The following DEFB131A variants were observed in gnomAD, a reference collection of about 807,000 sequenced individuals.
DEFB131A encodes the protein beta-defensin 131A.
Under a neutral mutation model 2.4 loss-of-function variants are expected in DEFB131A, and 5 were observed. The ratio of observed to expected loss-of-function variants is 2.12; its 90% CI spans 1.11 to 4.47. The LOEUF (loss-of-function observed/expected upper bound fraction) is 4.47, where lower values mean the gene tolerates loss of function less well. Among genes scored for constraint, DEFB131A ranks in the 30% most tolerant of loss-of-function variants. The pLI, the probability that DEFB131A is intolerant of heterozygous loss-of-function variation, is 0.00. For missense variants in DEFB131A, 120 were observed against 79.9 expected (o/e 1.50, Z -1.91); for synonymous variants, 34 against 25.7 (o/e 1.32, Z -0.97).
chr4:9,450,061 G>A (rs1351922052), intron 1 of DEFB131A, among the ~76,000 whole-genome samples: 7 of 152,058 alleles, frequency 4.6e-5, no homozygotes, highest in Admixed American at 3.9e-4. Context: ...CCTGCATTAT[G>A]AATCTCTACA....
intron 1 of DEFB131A, among the ~76,000 whole-genome samples, chr4:9,449,712 G>A (rs1025653574): frequency 5.9e-5 from 9 of 152,068 alleles, no homozygotes; most frequent in African/African-American, 1.9e-4. Flanking sequence ...ATTTATGGGA[G>A]ATTATGGGTT....
At position 9,450,207 on chromosome 4, in the gene DEFB131A, G is replaced by T. The variant is rs778606543; in HGVS notation, c.59-153G>T. Among the ~76,000 whole-genome samples, 186 of 152,222 alleles carry T rather than the reference G, an allele frequency of 1.2e-3. 4 individuals carry two copies. Among genetic ancestry groups the T allele is most frequent in the Admixed American group, 9.8e-4 (15 of 15,284 alleles). On this transcript the variant is annotated intron_variant, in intron 1 of 1. Coordinates refer to ENST00000334879, the MANE Select transcript of DEFB131A (RefSeq NM_001040448.3). ...AGAAATCATCGCTTGTCTTTATTCAGCATCTCCACGTTTTCTCTTGCATTT... is the reference window on the plus strand; with the variant it reads ...AGAAATCATCGCTTGTCTTTATTCATCATCTCCACGTTTTCTCTTGCATTT...
chr4:9,448,447 C>T (rs2865004), intron 1 of DEFB131A, among the ~76,000 whole-genome samples: 98,213 of 151,636 alleles, frequency 0.65, 33,495 homozygotes, highest in Non-Finnish European at 0.77. Flanking sequence ...CCTCCTGGGT[C>T]CAAGCAATCT....
chr4:9,445,147 T>A (rs1039905952), intron 1 of DEFB131A, among the ~76,000 whole-genome samples: 3 of 151,926 alleles, frequency 2.0e-5, no homozygotes, highest in Non-Finnish European at 2.9e-5. Context: ...GGTGAGAGGA[T>A]ACACACAGAA....
Position 9,450,510 on chromosome 4 carries a change from G to C in DEFB131A, c.209G>C (p.Trp70Ser). The part of the protein sequence containing the change: ...KIIEIDGQKK[W>S] ...ATTGAAATTGACGGACAAAAGAAGT[G>C]GTGAAAATTCTAACTCCATCTTCTT... The change falls in exon 2 of 2, where the codon TGG (tryptophan) becomes TCG (serine). Residue 70 changes from tryptophan (W) to serine (S), a missense_variant. Physicochemically the swap from Trp to Ser is radical, Grantham distance 177. Transcript: ENST00000334879. 6.2e-7 allele frequency: 1 copy of C among 1,607,974 alleles called. No homozygotes were observed. The highest frequency in any genetic ancestry group is 1.1e-5 in the South Asian group (1 of 90,034).
chr4:9,447,242 C>T (rs534943866), intron 1 of DEFB131A, among the ~76,000 whole-genome samples: 1 of 152,246 alleles, frequency 6.6e-6, no homozygotes, highest in African/African-American at 2.4e-5. Context: ...GCTCTAATGA[C>T]ATTTTTAATA....
At chr4:9,449,467 C>T (rs1378850293) in intron 1 of DEFB131A, among the ~76,000 whole-genome samples, 5 of 149,412 alleles carry the variant, frequency 3.3e-5, no homozygotes, top group African/African-American at 7.4e-5. Context: ...TTCAATACTT[C>T]GTACTGAGAA....
chr4:9,446,584 T>C (rs1300074541), intron 1 of DEFB131A, among the ~76,000 whole-genome samples: 7 of 152,060 alleles, frequency 4.6e-5, no homozygotes, highest in Non-Finnish European at 1.0e-4. Flanking sequence ...AAATCTTGAA[T>C]TCACTTAGTC....
At chr4:9,445,851 C>T (rs1346676936) in intron 1 of DEFB131A, among the ~76,000 whole-genome samples, 1 of 152,108 alleles carries the variant, frequency 6.6e-6, no homozygotes, top group Non-Finnish European at 1.5e-5. Context: ...CCCTAGCAAC[C>T]ACTGATCTAA....
At chr4:9,448,330 T>C (rs960249446) in intron 1 of DEFB131A, among the ~76,000 whole-genome samples, 2 of 151,966 alleles carry the variant, frequency 1.3e-5, no homozygotes, top group African/African-American at 4.8e-5. Context: ...AAGAACACTA[T>C]CTTAAAACTC....
At position 9,444,475 on chromosome 4, in the gene DEFB131A, A is replaced by G. The variant is rs183590697; in HGVS notation, c.-59A>G. On this transcript the variant is annotated 5_prime_UTR_variant, in exon 1 of 2. Coordinates refer to ENST00000334879, the MANE Select transcript of DEFB131A (RefSeq NM_001040448.3). ...CACCTCTTCAGAGAACTGAATGTACACAGAAGTCCTCTTCATCTCAGCTAC... is the reference window on the plus strand; with the variant it reads ...CACCTCTTCAGAGAACTGAATGTACGCAGAAGTCCTCTTCATCTCAGCTAC... 9.4e-5 allele frequency: 149 copies of G among 1,586,936 alleles called. No homozygotes were observed. The highest frequency in any genetic ancestry group is 5.9e-4 in the Admixed American group (34 of 57,578).
chr4:9,445,295 C>G (rs553143890), intron 1 of DEFB131A, among the ~76,000 whole-genome samples: 2 of 151,862 alleles, frequency 1.3e-5, no homozygotes, highest in African/African-American at 4.8e-5. Flanking sequence ...AGGACCTAGC[C>G]TCTGTGTTCC....
chr4:9,450,484 C>G lies in DEFB131A; in HGVS notation c.183C>G (p.Ile61Met), dbSNP rs367863361. The G allele has an allele frequency of 6.2e-7, 1 of 1,610,094 alleles. No individual in the cohort carries two copies. The highest frequency in any genetic ancestry group is 8.5e-7 in the Non-Finnish European group (1 of 1,179,120). The change falls in exon 2 of 2, where the codon ATC becomes ATG. Residue 61 changes from isoleucine to methionine, a missense_variant. Physicochemically the swap from Ile to Met is conservative, Grantham distance 10 (BLOSUM62 1). Coordinates refer to ENST00000334879, the MANE Select transcript of DEFB131A (RefSeq NM_001040448.3). ...TCAGCATCTGCTGCAAACTGAAGAT[C>G]ATTGAAATTGACGGACAAAAGAAGT... ...ADFSICCKLK[I>M]IEIDGQKKW
Position 9,450,399 on chromosome 4 carries a change from A to T in DEFB131A, c.98A>T (p.Tyr33Phe). Residue 33 changes from tyrosine to phenylalanine, a missense_variant, in exon 2 of 2, where the codon TAT becomes TTT. Tyr to Phe is a conservative substitution (Grantham distance 22). Coordinates refer to ENST00000334879, the MANE Select transcript of DEFB131A (RefSeq NM_001040448.3). Reference sequence around the variant, plus strand: ...TCTAATGATGAATGTCCTTCAGAATATTATCATTGCAGACTGAAGTGCAAT... The same window carrying T: ...TCTAATGATGAATGTCCTTCAGAATTTTATCATTGCAGACTGAAGTGCAAT... Reference protein sequence around the residue: ...FISNDECPSEYYHCRLKCNAD... With the variant: ...FISNDECPSEFYHCRLKCNAD... 1.2e-6 allele frequency: 2 copies of T among 1,600,312 alleles called. No individual in the cohort carries two copies. Among genetic ancestry groups the T allele is most frequent in the East Asian group, 2.2e-5 (1 of 44,624 alleles).
chr4:9,450,654 A>T lies in DEFB131A; in HGVS notation c.*140A>T, dbSNP rs879918279. ...TCAGGTGAAAATGAATATAAATTTTATAAATGCTTCCACTCTATTTTCATT... is the reference window on the plus strand; with the variant it reads ...TCAGGTGAAAATGAATATAAATTTTTTAAATGCTTCCACTCTATTTTCATT... On this transcript the variant is annotated 3_prime_UTR_variant, in exon 2 of 2. Coordinates refer to ENST00000334879, the MANE Select transcript of DEFB131A (RefSeq NM_001040448.3). 4.7e-6 allele frequency: 6 copies of T among 1,268,282 alleles called. No homozygotes were observed. In the East Asian group the frequency reaches 1.0e-4, roughly 21 times the overall value. 78.6% of individuals were successfully genotyped at this position (1,268,282 alleles called of 1,614,324 possible). A position where few individuals can be genotyped will look rare whatever the true frequency, so the allele number is the denominator to read the frequency against.
At chr4:9,450,228 C>G in intron 1 of DEFB131A, 132 bp from the exon 2 acceptor site, 4 of 1,085,314 alleles carry the variant, frequency 3.7e-6, no homozygotes, top group Non-Finnish European at 4.9e-6. Context: ...TTTTCTCTTG[C>G]ATTTTTTGCT....
chr4:9,444,452 C>T lies in DEFB131A; in HGVS notation c.-82C>T, dbSNP rs1447074294. ...GGTTCAATAATCACTCAACAACTCA[C>T]CTCTTCAGAGAACTGAATGTACACA... On this transcript the variant is annotated 5_prime_UTR_variant, in exon 1 of 2. Coordinates refer to ENST00000334879, the MANE Select transcript of DEFB131A (RefSeq NM_001040448.3). 47 of 1,505,230 alleles carry T rather than the reference C, an allele frequency of 3.1e-5. No homozygotes were observed. Among genetic ancestry groups the T allele is most frequent in the Non-Finnish European group, 3.9e-5 (43 of 1,098,846 alleles). 93.2% of individuals were successfully genotyped at this position (1,505,230 alleles called of 1,614,324 possible).
chr4:9,446,755 T>C (rs1327333020), intron 1 of DEFB131A, among the ~76,000 whole-genome samples: 1 of 152,148 alleles, frequency 6.6e-6, no homozygotes, highest in Non-Finnish European at 1.5e-5. Context: ...ACTGTCTTTG[T>C]TGTATTCCAT....
At chr4:9,445,317 A>C (rs1395649603) in intron 1 of DEFB131A, among the ~76,000 whole-genome samples, 1 of 152,052 alleles carries the variant, frequency 6.6e-6, no homozygotes, top group Non-Finnish European at 1.5e-5. Context: ...TTAAAGTTGA[A>C]TAAAACTCAT....
Sources: allele counts gnomAD v4.1 joint callset (sites outside exome capture counted in the v4.1 genomes callset), GRCh38; gene constraint gnomAD v4.1.1; transcripts MANE v1.5; gene names NCBI Gene and HGNC (gene_info 2026-07-23, HGNC 2026-07-21).